Variants in UNC5B observed in about 807,000 individuals in gnomAD.
UNC5B encodes unc-5 netrin receptor B.
Under a neutral mutation model 103.7 loss-of-function variants are expected in UNC5B, and 56 were observed. The observed-to-expected ratio is 0.54, with a 90% CI of 0.44 to 0.67. The LOEUF (loss-of-function observed/expected upper bound fraction) is 0.67, where lower values mean the gene tolerates loss of function less well. Among genes scored for constraint, UNC5B ranks in the 30% least tolerant of loss-of-function variants. The pLI, the probability that UNC5B is intolerant of heterozygous loss-of-function variation, is 0.00. For missense variants in UNC5B, 1,194 were observed against 1,284.5 expected, an observed-to-expected ratio of 0.93 and a Z score of 1.08; for synonymous variants, 577 against 542.0, an observed-to-expected ratio of 1.06 and a Z score of -0.90.
At chr10:71,222,211 T>C (rs896325451) in intron 1 of UNC5B, among the ~76,000 whole-genome samples, 13 of 152,266 alleles carry the variant, frequency 8.5e-5, no homozygotes, top group Admixed American at 7.9e-4. Context: ...CGTGAAGGTA[T>C]GGGTGTGAAT....
At chr10:71,241,077 T>G (rs137899718) in intron 1 of UNC5B, among the ~76,000 whole-genome samples, 35 of 152,356 alleles carry the variant, frequency 2.3e-4, no homozygotes, top group African/African-American at 8.4e-4. Flanking sequence ...CTACTTGTAT[T>G]GACCCTATTC....
At position 71,245,117 on chromosome 10, in the gene UNC5B, C is replaced by T. The variant is rs189278632; in HGVS notation, c.79+32053C>T. Among the ~76,000 whole-genome samples the T allele has an allele frequency of 4.5e-3, 679 of 152,330 alleles. 2 individuals carry two copies. The highest frequency in any genetic ancestry group is 0.016 in the African/African-American group (657 of 41,564). On this transcript the variant is annotated intron_variant, in intron 1 of 16. Coordinates refer to ENST00000335350, the MANE Select transcript of UNC5B (RefSeq NM_170744.5). ...GTCCCCGGGCTCCCTTCTCTGACCT[C>T]CTCTCCCCCAACCCTGGGGACCACT...
chr10:71,266,448 C>T (rs748726013), intron 1 of UNC5B, among the ~76,000 whole-genome samples: 4 of 152,168 alleles, frequency 2.6e-5, no homozygotes, highest in Non-Finnish European at 4.4e-5. Context: ...ACATGGGGAG[C>T]GGGCCGAGCC....
chr10:71,254,600 T>C (rs1301875724), intron 1 of UNC5B, among the ~76,000 whole-genome samples: 1 of 152,042 alleles, frequency 6.6e-6, no homozygotes, highest in Non-Finnish European at 1.5e-5. Flanking sequence ...GGGAGGGAGA[T>C]TTATTTCCTG....
intron 1 of UNC5B, among the ~76,000 whole-genome samples, chr10:71,252,749 G>A (rs1844201852): frequency 6.6e-6 from 1 of 152,186 alleles, no homozygotes; most frequent in South Asian, 2.1e-4. Context: ...TGCCTTGTGA[G>A]ACGGCACCTG....
At chr10:71,232,158 A>G (rs932076705) in intron 1 of UNC5B, among the ~76,000 whole-genome samples, 23 of 152,290 alleles carry the variant, frequency 1.5e-4, no homozygotes, top group African/African-American at 5.3e-4. Context: ...CCCATCTCCG[A>G]TGACTGCCCA....
At chr10:71,243,789 C>T (rs1843961679) in intron 1 of UNC5B, among the ~76,000 whole-genome samples, 3 of 152,232 alleles carry the variant, frequency 2.0e-5, no homozygotes, top group Admixed American at 2.0e-4. Flanking sequence ...TGGGTGAATA[C>T]TACTTTTAAA....
At chr10:71,227,205 G>A (rs1006319437) in intron 1 of UNC5B, among the ~76,000 whole-genome samples, 12 of 152,002 alleles carry the variant, frequency 7.9e-5, no homozygotes, top group African/African-American at 2.4e-4. Context: ...GGCTGGTCTC[G>A]AACTCCTGAC....
At chr10:71,242,334 G>A (rs879277) in intron 1 of UNC5B, among the ~76,000 whole-genome samples, 58,920 of 152,094 alleles carry the variant, frequency 0.39, 11,751 homozygotes, top group East Asian at 0.48. Flanking sequence ...GCCAGAAAGT[G>A]GTAGTGCTCA....
intron 1 of UNC5B, among the ~76,000 whole-genome samples, chr10:71,226,911 T>C (rs1288839006): frequency 6.6e-6 from 1 of 151,876 alleles, no homozygotes; most frequent in Non-Finnish European, 1.5e-5. Flanking sequence ...TACCATGGAA[T>C]ACTACTCAGT....
intron 1 of UNC5B, 147 bp from the exon 2 acceptor site, chr10:71,279,674 T>G: frequency 1.3e-6 from 1 of 771,442 alleles, no homozygotes; most frequent in Non-Finnish European, 2.1e-6. Context: ...TGACCCCGGT[T>G]GCAGATTACG....
Position 71,295,855 on chromosome 10 carries a change from G to A in UNC5B, c.2220G>A (p.Glu740=), listed in dbSNP as rs1398596930. ...GGACTCTGGGCGGATACTTGGTGGA[G>A]GAGCCGAAACCGCTAATGTTCAAGG... ...LERTLGGYLV[E]EPKPLMFKDS... Residue 740 remains glutamate (E), a synonymous_variant, in exon 14 of 17, where the codon GAG becomes GAA. Transcript: ENST00000335350. 2.5e-6 allele frequency: 4 copies of A among 1,613,006 alleles called. No homozygotes were observed. The highest frequency in any genetic ancestry group is 2.2e-5 in the South Asian group (2 of 91,036).
chr10:71,228,757 C>T (rs1448938834), intron 1 of UNC5B, among the ~76,000 whole-genome samples: 1 of 152,248 alleles, frequency 6.6e-6, no homozygotes, highest in East Asian at 1.9e-4. Flanking sequence ...ACGGGGCCTC[C>T]TCTGTGCCCA....
intron 1 of UNC5B, among the ~76,000 whole-genome samples, chr10:71,266,116 G>A (rs2132285765): frequency 6.6e-6 from 1 of 152,140 alleles, no homozygotes; most frequent in Admixed American, 6.5e-5. Context: ...CCCTCCTCAA[G>A]AAATCCCTAG....
chr10:71,227,709 C>CACACAT (rs1564707147), intron 1 of UNC5B, among the ~76,000 whole-genome samples: 113 of 50,576 alleles, frequency 2.2e-3, no homozygotes, highest in African/African-American at 4.6e-3. Context: ...CACACATATA[C>CACACAT]ACACACACAC....
At chr10:71,226,189 C>T (rs1385819788) in intron 1 of UNC5B, among the ~76,000 whole-genome samples, 1 of 152,148 alleles carries the variant, frequency 6.6e-6, no homozygotes, top group Non-Finnish European at 1.5e-5. Context: ...ATTCTCATGC[C>T]TCAGCCTCTC....
At position 71,298,966 on chromosome 10, in the gene UNC5B, T is replaced by A. The variant is rs1845517244; in HGVS notation, c.2673-146T>A. ...CTGAATTGCCGAGAGCCACACAGAC[T>A]GCAGCACAGTAGCTGCAATTCAGAC... On this transcript the variant is annotated intron_variant, in intron 16 of 16. Coordinates refer to ENST00000335350, the MANE Select transcript of UNC5B (RefSeq NM_170744.5). 4 of 1,039,890 alleles carry A rather than the reference T, an allele frequency of 3.8e-6. 1 individual carries two copies. Among genetic ancestry groups the A allele is most frequent in the Non-Finnish European group, 5.7e-6 (4 of 702,846 alleles). The allele number at this position is 1,039,890 out of a possible 1,614,324, so 64.4% of individuals were successfully genotyped here.
chr10:71,212,880 G>A lies in UNC5B; in HGVS notation c.-106G>A. On this transcript the variant is annotated 5_prime_UTR_variant, in exon 1 of 17. Transcript: ENST00000335350. ...GCACGGGCTGGCGCTGCCGGGCGCC[G>A]GGGAGGACGGCGAGGAGGAGGCGGC... The A allele has an allele frequency of 2.1e-6, 2 of 966,392 alleles. No individual in the cohort carries two copies. Among genetic ancestry groups the A allele is most frequent in the African/African-American group, 1.7e-5 (1 of 58,904 alleles). The allele number at this position is 966,392 out of a possible 1,614,324, so 59.9% of individuals were successfully genotyped here.
At chr10:71,249,752 T>C (rs1844130808) in intron 1 of UNC5B, among the ~76,000 whole-genome samples, 1 of 152,170 alleles carries the variant, frequency 6.6e-6, no homozygotes, top group African/African-American at 2.4e-5. Flanking sequence ...TAGTCCATTA[T>C]ACAGAAGGAA....
Sources: gnomAD v4.1 joint callset for allele counts (sites outside exome capture counted in the v4.1 genomes callset) on GRCh38, gnomAD v4.1.1 for gene constraint, MANE v1.5 for transcripts, NCBI Gene and HGNC (gene_info 2026-07-23, HGNC 2026-07-21) for gene names.